The following SPAG16 variants were observed in gnomAD, a reference collection of about 807,000 sequenced individuals.
SPAG16 encodes sperm-associated antigen 16 protein.
SPAG16 carries 86 observed loss-of-function variants against 80.4 expected under a neutral mutation model. The ratio of observed to expected loss-of-function variants is 1.07; its 90% CI spans 0.90 to 1.28. The LOEUF (loss-of-function observed/expected upper bound fraction) is 1.28, where lower values mean the gene tolerates loss of function less well. Ranked by LOEUF, SPAG16 falls within the 50% of genes most tolerant of loss-of-function variation. SPAG16 has a pLI of 0.00. For missense variants in SPAG16, 870 were observed against 765.3 expected, an observed-to-expected ratio of 1.14 and a Z score of -1.61; for synonymous variants, 294 against 265.9, an observed-to-expected ratio of 1.11 and a Z score of -1.03.
At chr2:213,416,332 A>G (rs1384268105) in intron 9 of SPAG16, among the ~76,000 whole-genome samples, 2 of 152,200 alleles carry the variant, frequency 1.3e-5, no homozygotes, top group Non-Finnish European at 2.9e-5. Flanking sequence ...TGTATCAGGG[A>G]CCAGATCTTT....
chr2:213,660,392 A>ATACATATGTATGTATGTATG (rs977112158), intron 10 of SPAG16, among the ~76,000 whole-genome samples: 4 of 151,516 alleles, frequency 2.6e-5, no homozygotes, highest in African/African-American at 7.3e-5. Flanking sequence ...GCCTCAGTGT[A>ATACATATGTATGTATGTATG]TACATATGTA....
intron 10 of SPAG16, among the ~76,000 whole-genome samples, chr2:213,781,758 T>C (rs1396908615): frequency 1.3e-5 from 2 of 152,194 alleles, no homozygotes; most frequent in Admixed American, 6.5e-5. Flanking sequence ...AGTTTGGTCA[T>C]GAAGAAGACT....
chr2:214,331,247 T>C (rs1482110495), intron 15 of SPAG16, among the ~76,000 whole-genome samples: 1 of 152,088 alleles, frequency 6.6e-6, no homozygotes, highest in African/African-American at 2.4e-5. Flanking sequence ...CCAAACATAC[T>C]TTTTGCTGTT....
At chr2:214,108,483 C>CCCCA (rs1553719356) in intron 14 of SPAG16, among the ~76,000 whole-genome samples, 18 of 127,178 alleles carry the variant, frequency 1.4e-4, no homozygotes, top group South Asian at 2.3e-4. Flanking sequence ...ACACACACCC[C>CCCCA]CACACACACC....
At chr2:213,920,654 C>G (rs2078176595) in intron 11 of SPAG16, among the ~76,000 whole-genome samples, 2 of 152,176 alleles carry the variant, frequency 1.3e-5, no homozygotes, top group African/African-American at 2.4e-5. Context: ...CATGGCCAGG[C>G]TGGGGCCCTG....
chr2:214,357,494 C>G (rs1035601170), intron 15 of SPAG16, among the ~76,000 whole-genome samples: 5 of 151,842 alleles, frequency 3.3e-5, no homozygotes, highest in African/African-American at 1.2e-4. Flanking sequence ...ACCCCCTCCC[C>G]CAGTCTTCTG....
At chr2:213,391,228 A>G (rs1364409000) in intron 9 of SPAG16, among the ~76,000 whole-genome samples, 1 of 152,216 alleles carries the variant, frequency 6.6e-6, no homozygotes, top group East Asian at 1.9e-4. Context: ...AGATGGCGCC[A>G]CTGCACTCCA....
chr2:213,539,878 T>C (rs1451601524), intron 10 of SPAG16, among the ~76,000 whole-genome samples: 1 of 152,168 alleles, frequency 6.6e-6, no homozygotes, highest in Non-Finnish European at 1.5e-5. Context: ...TTTGGTATAA[T>C]GAGTCTTTTA....
chr2:214,157,230 G>C (rs1175440956), intron 15 of SPAG16, among the ~76,000 whole-genome samples: 1 of 152,104 alleles, frequency 6.6e-6, no homozygotes, highest in African/African-American at 2.4e-5. Flanking sequence ...CAGCACATGA[G>C]TTGGGTTTCC....
At chr2:213,558,508 G>C (rs901656297) in intron 10 of SPAG16, among the ~76,000 whole-genome samples, 2 of 151,556 alleles carry the variant, frequency 1.3e-5, no homozygotes, top group East Asian at 3.9e-4. Flanking sequence ...AGGGACTGTA[G>C]AGATAAAATC....
intron 10 of SPAG16, among the ~76,000 whole-genome samples, chr2:213,530,783 A>G (rs2125882864): frequency 6.6e-6 from 1 of 152,182 alleles, no homozygotes; most frequent in South Asian, 2.1e-4. Flanking sequence ...AGTTGGATTT[A>G]AGGTCATTAT....
intron 12 of SPAG16, among the ~76,000 whole-genome samples, chr2:213,943,261 G>C (rs2079287843): frequency 6.6e-6 from 1 of 152,186 alleles, no homozygotes. Context: ...TTGGAAGTAG[G>C]TAATGGGTAG....
chr2:214,128,162 A>G (rs2054587725), intron 14 of SPAG16, among the ~76,000 whole-genome samples: 1 of 151,856 alleles, frequency 6.6e-6, no homozygotes, highest in African/African-American at 2.4e-5. Context: ...AGTTGTTCAG[A>G]AGAAAATAAG....
chr2:213,291,711 G>A (rs1415611024), intron 1 of SPAG16, among the ~76,000 whole-genome samples: 1 of 152,146 alleles, frequency 6.6e-6, no homozygotes, highest in Non-Finnish European at 1.5e-5. Context: ...TTCCTATTGT[G>A]TCACTGTAGA....
In SPAG16 at chr2:213,573,897, T is replaced by G. The variant is rs115864007; in HGVS notation, c.1070+83807T>G. Among the ~76,000 whole-genome samples the G allele has an allele frequency of 5.2e-3, 799 of 152,298 alleles. 4 individuals carry two copies. Among genetic ancestry groups the G allele is most frequent in the African/African-American group, 0.017 (710 of 41,576 alleles). On this transcript the variant is annotated intron_variant, in intron 10 of 15. Coordinates refer to ENST00000331683, the MANE Select transcript of SPAG16 (RefSeq NM_024532.5). The stretch of plus-strand genomic sequence containing the variant: ...TTAGGGCAACCTAAACCAGTGTGAA[T>G]CAGACTTTAATGTGCATACTTGTCC...
At chr2:213,563,438 C>A (rs944838948) in intron 10 of SPAG16, among the ~76,000 whole-genome samples, 30 of 152,162 alleles carry the variant, frequency 2.0e-4, no homozygotes, top group African/African-American at 7.2e-4. Flanking sequence ...TCTCATAGTT[C>A]TGGAGGCTGA....
At chr2:213,291,239 T>C (rs1190785763) in intron 1 of SPAG16, among the ~76,000 whole-genome samples, 1 of 152,220 alleles carries the variant, frequency 6.6e-6, no homozygotes, top group African/African-American at 2.4e-5. Flanking sequence ...ACATTTTGTA[T>C]AGTGTGTGTA....
chr2:214,347,479 C>T lies in SPAG16; in HGVS notation c.1721-62661C>T, dbSNP rs1176011200. The stretch of plus-strand genomic sequence containing the variant: ...CCTGGGCATTACCAGTAAAATATTA[C>T]CCTGGGGAATCCAGGTAGGGCTGAA... On this transcript the variant is annotated intron_variant, in intron 15 of 15. Transcript: ENST00000331683. 2.0e-5 allele frequency among the ~76,000 whole-genome samples: 3 copies of T among 152,076 alleles called. No individual in the cohort carries two copies. In the East Asian group the frequency reaches 5.8e-4, roughly 29 times the overall value.
At chr2:214,025,759 T>C (rs538757151) in intron 13 of SPAG16, among the ~76,000 whole-genome samples, 39 of 151,700 alleles carry the variant, frequency 2.6e-4, no homozygotes, top group South Asian at 1.7e-3. Flanking sequence ...TGACTTTTTT[T>C]CAACCATTTA....
Sources: allele counts gnomAD v4.1 joint callset (sites outside exome capture counted in the v4.1 genomes callset), GRCh38; gene constraint gnomAD v4.1.1; transcripts MANE v1.5; gene names NCBI Gene and HGNC (gene_info 2026-07-23, HGNC 2026-07-21).